Variants in RNF38 observed in about 807,000 individuals in gnomAD.
RNF38 encodes the protein ring finger protein 38, also known as E3 ubiquitin-protein ligase RNF38.
Under a neutral mutation model 67.2 loss-of-function variants are expected in RNF38, and 15 were observed. The ratio of observed to expected loss-of-function variants is 0.22; its 90% CI spans 0.15 to 0.34. The LOEUF is 0.34. RNF38 is among the 10% of genes least tolerant of loss of function. The probability of loss-of-function intolerance (pLI) is 1.00; values close to 1 mark genes in which losing one functional copy is unlikely to be tolerated. For synonymous variants in RNF38, 220 were observed against 218.8 expected, an observed-to-expected ratio of 1.01 and a Z score of -0.05; for missense variants, 524 against 639.9, an observed-to-expected ratio of 0.82 and a Z score of 1.95.
intron 9 of RNF38, 57 bp from the exon 10 acceptor site, chr9:36,345,010 CT>C (rs112159514): frequency 0.081 from 93,583 of 1,153,130 alleles, 841 homozygotes; most frequent in Admixed American, 0.2. Context: ...CATTCCAATA[CT>C]TTTTTTTTTT....
intron 1 of RNF38, among the ~76,000 whole-genome samples, chr9:36,469,091 G>A (rs975630938): frequency 1.7e-4 from 26 of 152,062 alleles, no homozygotes; most frequent in Non-Finnish European, 3.8e-4. Context: ...TGGCCTGGGC[G>A]ACAGAGCAAG....
intron 1 of RNF38, among the ~76,000 whole-genome samples, chr9:36,424,987 A>G (rs1470339376): frequency 1.3e-5 from 2 of 152,348 alleles, no homozygotes; most frequent in African/African-American, 2.4e-5. Context: ...ACCTGCAGAA[A>G]CACAAGCCTT....
At chr9:36,373,548 C>T (rs140956033) in intron 3 of RNF38, among the ~76,000 whole-genome samples, 115 of 150,060 alleles carry the variant, frequency 7.7e-4, no homozygotes, top group Admixed American at 1.4e-3. Flanking sequence ...ATCAATAACA[C>T]TAATTTTCAC....
chr9:36,373,115 G>A (rs932194445), intron 3 of RNF38, among the ~76,000 whole-genome samples: 12 of 152,272 alleles, frequency 7.9e-5, no homozygotes, highest in Admixed American at 5.9e-4. Flanking sequence ...GCTGAAGCAG[G>A]AGAATCACTT....
chr9:36,369,698 C>T (rs538479943), intron 4 of RNF38, 21 bp downstream of exon 4: 2 of 1,528,986 alleles, frequency 1.3e-6, no homozygotes, highest in East Asian at 2.4e-5. Context: ...TCTGTATTTC[C>T]AAGACATTCT....
chr9:36,432,936 T>C (rs1258259535), intron 1 of RNF38, among the ~76,000 whole-genome samples: 1 of 152,210 alleles, frequency 6.6e-6, no homozygotes, highest in Admixed American at 6.5e-5. Flanking sequence ...TAACTAAACA[T>C]AACACACTTA....
At chr9:36,416,772 A>C (rs1429747360) in intron 2 of RNF38, among the ~76,000 whole-genome samples, 1 of 14,534 alleles carries the variant, frequency 6.9e-5, no homozygotes, top group Non-Finnish European at 1.7e-4. Flanking sequence ...TTTTTTTTTG[A>C]GACAGAGTCA....
At chr9:36,413,156 G>T (rs566430883) in intron 2 of RNF38, among the ~76,000 whole-genome samples, 8 of 151,852 alleles carry the variant, frequency 5.3e-5, no homozygotes, top group East Asian at 1.9e-4. Context: ...TTGAACCTGG[G>T]GGGGCAGAAG....
At chr9:36,352,509 C>T (rs2133493221) in intron 8 of RNF38, among the ~76,000 whole-genome samples, 1 of 152,258 alleles carries the variant, frequency 6.6e-6, no homozygotes, top group Admixed American at 6.5e-5. Context: ...ACCTTTTCTG[C>T]TTCTTGATCT....
intron 1 of RNF38, among the ~76,000 whole-genome samples, chr9:36,426,535 G>A (rs915176952): frequency 6.6e-6 from 1 of 152,166 alleles, no homozygotes; most frequent in African/African-American, 2.4e-5. Flanking sequence ...CCAGTATATG[G>A]ATATACCACA....
upstream of RNF38, chr9:36,400,825 C>A: frequency 1.0e-6 from 1 of 985,324 alleles, no homozygotes; most frequent in African/African-American, 1.7e-5. Context: ...TCCTCTCCGC[C>A]CCCACGCCCC....
chr9:36,445,306 G>A (rs1213142013), intron 1 of RNF38, among the ~76,000 whole-genome samples: 1 of 152,204 alleles, frequency 6.6e-6, no homozygotes, highest in Non-Finnish European at 1.5e-5. Context: ...AACATGGTAA[G>A]GATAAAGACA....
intron 1 of RNF38, among the ~76,000 whole-genome samples, chr9:36,461,573 A>C (rs898142478): frequency 8.5e-5 from 13 of 152,208 alleles, no homozygotes; most frequent in African/African-American, 3.1e-4. Flanking sequence ...TGCTATGCAG[A>C]GAAAAAAATT....
At chr9:36,439,918 T>G (rs1004877941) in intron 1 of RNF38, among the ~76,000 whole-genome samples, 1 of 152,102 alleles carries the variant, frequency 6.6e-6, no homozygotes, top group African/African-American at 2.4e-5. Flanking sequence ...TCCATTGATA[T>G]CTATATACTA....
intron 2 of RNF38, among the ~76,000 whole-genome samples, chr9:36,406,425 T>C (rs1838184280): frequency 6.6e-6 from 1 of 152,224 alleles, no homozygotes; most frequent in Non-Finnish European, 1.5e-5. Flanking sequence ...CACATCCAAG[T>C]ATCCCTACTA....
intron 4 of RNF38, among the ~76,000 whole-genome samples, chr9:36,368,032 TA>T (rs1835108435): frequency 6.6e-6 from 1 of 152,108 alleles, no homozygotes; most frequent in Non-Finnish European, 1.5e-5. Context: ...TTTGTATTTT[TA>T]GTAGAGACGG....
At chr9:36,425,847 G>A (rs1193030075) in intron 1 of RNF38, among the ~76,000 whole-genome samples, 4 of 152,150 alleles carry the variant, frequency 2.6e-5, no homozygotes, top group African/African-American at 7.2e-5. Flanking sequence ...ACAGGCACAC[G>A]CCACCACGCC....
Position 36,357,835 on chromosome 9 carries a change from G to C in RNF38, c.678C>G (p.Val226=). Residue 226 remains valine (V), a synonymous_variant, in exon 5 of 12, where the codon GTC becomes GTG. Coordinates refer to ENST00000259605, the MANE Select transcript of RNF38 (RefSeq NM_022781.5). ...CACTGAAAACCACAGAGCATCCTGG[G>C]ACCTGCTGTGTACTACAAGCAGGGA... ...QHIPACSTQQ[V]PGCSVVFSGQ... 1 of 1,613,714 alleles carries C rather than the reference G, an allele frequency of 6.2e-7. No individual in the cohort carries two copies. The highest frequency in any genetic ancestry group is 8.5e-7 in the Non-Finnish European group (1 of 1,179,704).
chr9:36,392,406 TACTG>T (rs1225053032), intron 1 of RNF38, among the ~76,000 whole-genome samples: 2 of 152,186 alleles, frequency 1.3e-5, no homozygotes, highest in East Asian at 1.9e-4. Context: ...AAGGCGTATT[TACTG>T]ACTGACTCCT....
Sources: allele counts gnomAD v4.1 joint callset (sites outside exome capture counted in the v4.1 genomes callset), GRCh38; gene constraint gnomAD v4.1.1; transcripts MANE v1.5; gene names NCBI Gene and HGNC (gene_info 2026-07-23, HGNC 2026-07-21).